The following PALS2 variants were observed in gnomAD, a reference collection of about 807,000 sequenced individuals.
The protein encoded by PALS2 is protein PALS2.
In PALS2, 27 loss-of-function variants were observed where a neutral mutation model predicts 61.6. The observed-to-expected ratio is 0.44, with a 90% CI of 0.32 to 0.60. PALS2 has a LOEUF of 0.60. PALS2 is among the 20% of genes least tolerant of loss of function. PALS2 has a pLI of 0.05. For missense variants in PALS2, 554 were observed against 639.4 expected (o/e 0.87, Z 1.44); for synonymous variants, 236 against 218.6 (o/e 1.08, Z -0.70).
intron 1 of PALS2, among the ~76,000 whole-genome samples, chr7:24,586,331 T>G (rs1256118661): frequency 6.6e-6 from 1 of 152,198 alleles, no homozygotes; most frequent in Non-Finnish European, 1.5e-5. Context: ...GGGGAGAGAC[T>G]TGCTACTTAT....
At chr7:24,681,655 C>T (rs1787938749) in intron 11 of PALS2, among the ~76,000 whole-genome samples, 1 of 151,766 alleles carries the variant, frequency 6.6e-6, no homozygotes. Context: ...ACATAATAAG[C>T]TGTGCCTACC....
At chr7:24,685,335 T>A (rs947971647) in intron 11 of PALS2, among the ~76,000 whole-genome samples, 1 of 152,212 alleles carries the variant, frequency 6.6e-6, no homozygotes, top group African/African-American at 2.4e-5. Flanking sequence ...GTTGTATAAT[T>A]CTATACAACA....
At chr7:24,642,747 C>A (rs889073018) in intron 3 of PALS2, among the ~76,000 whole-genome samples, 1 of 152,120 alleles carries the variant, frequency 6.6e-6, no homozygotes, top group Non-Finnish European at 1.5e-5. Flanking sequence ...ATGGTTCCGA[C>A]ATAAATTAGT....
chr7:24,649,591 G>T, intron 3 of PALS2, 21 bp from the exon 4 acceptor site: 1 of 1,529,696 alleles, frequency 6.5e-7, no homozygotes. Flanking sequence ...AATAACCACA[G>T]GCTATTTTGA....
intron 2 of PALS2, among the ~76,000 whole-genome samples, chr7:24,638,236 C>T (rs924363733): frequency 6.6e-6 from 1 of 151,296 alleles, no homozygotes; most frequent in Non-Finnish European, 1.5e-5. Flanking sequence ...CCAGTTGAAT[C>T]CAAGTATGTT....
chr7:24,574,999 T>G (rs529577365), intron 1 of PALS2, among the ~76,000 whole-genome samples: 1 of 152,152 alleles, frequency 6.6e-6, no homozygotes, highest in South Asian at 2.1e-4. Context: ...ACAAAGAACT[T>G]TTGTGGGTTG....
intron 2 of PALS2, among the ~76,000 whole-genome samples, chr7:24,632,897 CT>C (rs1235014106): frequency 2.0e-4 from 30 of 151,376 alleles, no homozygotes; most frequent in Non-Finnish European, 8.8e-5. Context: ...GCATGTTAGA[CT>C]TTAAAAAAAA....
intron 5 of PALS2, among the ~76,000 whole-genome samples, chr7:24,657,742 C>G (rs12539630): frequency 0.04 from 6,129 of 152,036 alleles, 179 homozygotes; most frequent in South Asian, 0.082. Context: ...TTGAGTCATC[C>G]TTTTGTGGCT....
Position 24,666,005 on chromosome 7 carries a change from T to C in PALS2, c.884-16T>C, listed in dbSNP as rs746290659. 13 of 1,595,378 alleles carry C rather than the reference T, an allele frequency of 8.1e-6. No homozygotes were observed. Among genetic ancestry groups the C allele is most frequent in the Non-Finnish European group, 1.0e-5 (12 of 1,165,462 alleles). On this transcript the variant is annotated splice_polypyrimidine_tract_variant and intron_variant, in intron 7 of 11. Coordinates refer to ENST00000222644, the MANE Select transcript of PALS2 (RefSeq NM_001303037.2). ...TGATATACTGCTTAAGTTATATTTG[T>C]TTTATCATCCTTCAGGACCTTTTTG...
chr7:24,638,322 CTTTTTTTTTTTT>C lies in PALS2; in HGVS notation c.118-3379_118-3368del, dbSNP rs749421698. Among the ~76,000 whole-genome samples the C allele has an allele frequency of 6.7e-4, 8 of 11,926 alleles. 2 individuals are homozygous for C. Among genetic ancestry groups the C allele is most frequent in the South Asian group, 5.3e-3 (1 of 190 alleles). 7.8% of individuals were successfully genotyped at this position (11,926 alleles called of 152,430 possible). A position where few individuals can be genotyped will look rare whatever the true frequency, so the allele number is the denominator to read the frequency against. On this transcript the variant is annotated intron_variant, in intron 2 of 11. Coordinates refer to ENST00000222644, the MANE Select transcript of PALS2 (RefSeq NM_001303037.2). ...TTTCTCCCTTCAATTTCTGTATTTT[CTTTTTTTTTTTT>C]TTTTTTTTTTTTTTGAGACGGAGTC...
At chr7:24,602,543 G>A (rs1240642837) in intron 1 of PALS2, among the ~76,000 whole-genome samples, 1 of 152,164 alleles carries the variant, frequency 6.6e-6, no homozygotes, top group Non-Finnish European at 1.5e-5. Context: ...CTTCACATCT[G>A]CCTGGAAAGT....
At chr7:24,657,937 G>A (rs1450103239) in intron 5 of PALS2, among the ~76,000 whole-genome samples, 1 of 152,054 alleles carries the variant, frequency 6.6e-6, no homozygotes, top group Non-Finnish European at 1.5e-5. Context: ...AATTTTTCCA[G>A]CTCAGTTTGT....
intron 9 of PALS2, among the ~76,000 whole-genome samples, chr7:24,672,459 G>C (rs1040363216): frequency 6.6e-6 from 1 of 152,100 alleles, no homozygotes; most frequent in Admixed American, 6.5e-5. Context: ...TCGAACTCCT[G>C]ACCTCAGGTG....
chr7:24,577,848 A>C (rs1782695885), intron 1 of PALS2, among the ~76,000 whole-genome samples: 1 of 152,114 alleles, frequency 6.6e-6, no homozygotes, highest in African/African-American at 2.4e-5. Flanking sequence ...TCTTCAAACC[A>C]TTTATCAGTA....
At chr7:24,637,035 T>C (rs565364246) in intron 2 of PALS2, among the ~76,000 whole-genome samples, 4 of 152,320 alleles carry the variant, frequency 2.6e-5, no homozygotes, top group African/African-American at 9.6e-5. Flanking sequence ...CTGAATACTA[T>C]TAAAGCCAAG....
At chr7:24,664,306 C>T (rs1204869314) in intron 6 of PALS2, among the ~76,000 whole-genome samples, 1 of 152,094 alleles carries the variant, frequency 6.6e-6, no homozygotes, top group African/African-American at 2.4e-5. Context: ...TTCAGAAGAT[C>T]TGTTTAATGG....
rs1390936568 is a variant in PALS2, at chr7:24,675,594, A to G, written c.1115-3537A>G. On this transcript the variant is annotated intron_variant, in intron 9 of 11. Transcript: ENST00000222644. ...GTGTGATGTTCCCCTTCCTGTGTCC[A>G]TGTGTTCTCATTGTTCAGTTCCCAC... 3.9e-5 allele frequency among the ~76,000 whole-genome samples: 5 copies of G among 126,736 alleles called. No individual in the cohort carries two copies. In the South Asian group the frequency reaches 7.8e-4, roughly 20 times the overall value. 83.1% of individuals were successfully genotyped at this position (126,736 alleles called of 152,430 possible).
intron 1 of PALS2, among the ~76,000 whole-genome samples, chr7:24,619,867 T>G (rs1369916256): frequency 6.6e-6 from 1 of 152,144 alleles, no homozygotes; most frequent in African/African-American, 2.4e-5. Context: ...CTCTCCTTTC[T>G]TCCCGAAATC....
intron 8 of PALS2, chr7:24,667,046 C>A (rs1462237330): frequency 6.6e-6 from 1 of 152,082 alleles, no homozygotes; most frequent in South Asian, 2.1e-4. Context: ...GGCTTGCTTT[C>A]TCTTAATATT....
Sources: gnomAD v4.1 joint callset for allele counts (sites outside exome capture counted in the v4.1 genomes callset) on GRCh38, gnomAD v4.1.1 for gene constraint, MANE v1.5 for transcripts, NCBI Gene and HGNC (gene_info 2026-07-23, HGNC 2026-07-21) for gene names.